Variants in ZBTB32 observed in about 807,000 individuals in gnomAD.
ZBTB32 encodes the protein zinc finger and BTB domain containing 32.
A neutral mutation model predicts 45.3 loss-of-function variants in ZBTB32; 28 were observed. The observed-to-expected ratio is 0.62, with a 90% CI of 0.46 to 0.85. ZBTB32 has a LOEUF of 0.85. Among genes scored for constraint, ZBTB32 ranks in the 40% least tolerant of loss-of-function variants. The pLI, the probability that ZBTB32 is intolerant of heterozygous loss-of-function variation, is 0.00. For synonymous variants in ZBTB32, 283 were observed against 255.7 expected (o/e 1.11, Z -1.02); for missense variants, 587 against 624.4 (o/e 0.94, Z 0.64).
rs767493820 is a variant in ZBTB32 at position 35,715,752 on chromosome 19, C to G, written c.882-5C>G. 1 of 1,606,102 alleles carries G rather than the reference C, an allele frequency of 6.2e-7. No individual in the cohort carries two copies. Among genetic ancestry groups the G allele is most frequent in the East Asian group, 2.2e-5 (1 of 44,732 alleles). ...AGGCTGTAACTCTTCCCCACCCCATCCCAGGATCCCACTGTCCCTAAATGC... is the reference window on the plus strand; with the variant it reads ...AGGCTGTAACTCTTCCCCACCCCATGCCAGGATCCCACTGTCCCTAAATGC... On this transcript the variant is annotated splice_region_variant and splice_polypyrimidine_tract_variant and intron_variant, in intron 3 of 6. Transcript: ENST00000392197.
At chr19:35,716,450 C>T (rs1207511805) in intron 6 of ZBTB32, 28 bp from the exon 7 acceptor site, 4 of 1,591,388 alleles carry the variant, frequency 2.5e-6, no homozygotes, top group Non-Finnish European at 3.4e-6. Context: ...TTCCTTCCTT[C>T]ACCGGCCTCC....
chr19:35,707,514 C>A (rs1345637360), intron 1 of ZBTB32, among the ~76,000 whole-genome samples: 1 of 151,852 alleles, frequency 6.6e-6, no homozygotes, highest in Non-Finnish European at 1.5e-5. Context: ...GGATTACAGG[C>A]ACGTGCCACC....
chr19:35,708,784 A>G (rs1256061874), intron 1 of ZBTB32, among the ~76,000 whole-genome samples: 1 of 151,914 alleles, frequency 6.6e-6, no homozygotes, highest in Admixed American at 6.6e-5. Flanking sequence ...GTACTTAACC[A>G]GAAAGACGGA....
rs568984754 is a variant in ZBTB32, at chr19:35,705,131, C to A, written c.-222+508C>A. Among the ~76,000 whole-genome samples, 5 of 152,102 alleles carry A rather than the reference C, an allele frequency of 3.3e-5. No homozygotes were observed. In the South Asian group the frequency reaches 1.0e-3, roughly 32 times the overall value. ...GACCAGCCTGGCCAACATGGAGAAA[C>A]CCTGTCTCTACGGGGTTTCTAAAAA... On this transcript the variant is annotated intron_variant, in intron 1 of 6. Coordinates refer to ENST00000392197, the MANE Select transcript of ZBTB32 (RefSeq NM_014383.3).
In ZBTB32 at chr19:35,715,945, T is replaced by C; in HGVS notation, c.962T>C (p.Leu321Pro). The C allele has an allele frequency of 6.2e-7, 1 of 1,612,772 alleles. No individual in the cohort carries two copies. Among genetic ancestry groups the C allele is most frequent in the South Asian group, 1.1e-5 (1 of 91,028 alleles). The change falls in exon 5 of 7, where the codon CTC becomes CCC. Residue 321 changes from leucine to proline, a missense_variant. By Grantham distance (98) the Leu-to-Pro change is moderately conservative (BLOSUM62 -3). Transcript: ENST00000392197. ...LASSSPTPGS[L>P]PQGPAQLSPG... ...CTCCCACTGTTCCTTCCAGGTTCCC[T>C]CCCCCAGGGCCCCGCACAGCTCAGC...
At position 35,712,992 on chromosome 19, in the gene ZBTB32, A is replaced by G. The variant is rs1968742452; in HGVS notation, c.-146A>G. On this transcript the variant is annotated 5_prime_UTR_variant, in exon 2 of 7. It adds an upstream start codon to the 5' untranslated region. Coordinates refer to ENST00000392197, the MANE Select transcript of ZBTB32 (RefSeq NM_014383.3). ...CTGTGTACTTACAAACCACACTCAT[A>G]TTCGTCACGTCATTTCATCTTCACC... 1 of 152,192 alleles carries G rather than the reference A, an allele frequency of 6.6e-6. No individual in the cohort carries two copies. Among genetic ancestry groups the G allele is most frequent in the Admixed American group, 6.5e-5 (1 of 15,270 alleles). 9.4% of individuals were successfully genotyped at this position (152,192 alleles called of 1,614,324 possible). A position where few individuals can be genotyped will look rare whatever the true frequency, so the allele number is the denominator to read the frequency against.
At position 35,716,780 on chromosome 19, in the gene ZBTB32, A is replaced by G. The variant is rs1968926655; in HGVS notation, c.*28A>G. ...GGGTGTCGGTAGCGTCTTAGCCAAG[A>G]GTCCAATTAAAGAACGAAAAGCGGG... On this transcript the variant is annotated 3_prime_UTR_variant, in exon 7 of 7. Transcript: ENST00000392197. 6.3e-7 allele frequency: 1 copy of G among 1,581,488 alleles called. No homozygotes were observed. The highest frequency in any genetic ancestry group is 8.6e-7 in the Non-Finnish European group (1 of 1,157,256).
rs950077510 is a variant in ZBTB32, at chr19:35,715,524, A to G, written c.881+17A>G. On this transcript the variant is annotated intron_variant, in intron 3 of 6. Transcript: ENST00000392197. Reference sequence around the variant, plus strand: ...GGAACAGAGGTGAGTGGCGGGGTCTAGTGCTCTGCCTCCAGGCTGGGAGGG... The same window carrying G: ...GGAACAGAGGTGAGTGGCGGGGTCTGGTGCTCTGCCTCCAGGCTGGGAGGG... 6.6e-7 allele frequency: 1 copy of G among 1,520,870 alleles called. No homozygotes were observed. Among genetic ancestry groups the G allele is most frequent in the South Asian group, 1.3e-5 (1 of 76,794 alleles). The allele number at this position is 1,520,870 out of a possible 1,614,324, so 94.2% of individuals were successfully genotyped here.
At chr19:35,705,253 C>T (rs1485236594) in intron 1 of ZBTB32, among the ~76,000 whole-genome samples, 2 of 151,780 alleles carry the variant, frequency 1.3e-5, no homozygotes, top group South Asian at 2.1e-4. Flanking sequence ...AGGAGATGAA[C>T]GTTGCAGTGA....
rs1968935468 is a variant in ZBTB32 at position 35,716,944 on chromosome 19, G to A, written c.*192G>A. 3.2e-6 allele frequency: 2 copies of A among 629,542 alleles called. No individual in the cohort carries two copies. The highest frequency in any genetic ancestry group is 2.9e-5 in the Admixed American group (1 of 33,984). 39.0% of individuals were successfully genotyped at this position (629,542 alleles called of 1,614,324 possible). A position where few individuals can be genotyped will look rare whatever the true frequency, so the allele number is the denominator to read the frequency against. On this transcript the variant is annotated 3_prime_UTR_variant, in exon 7 of 7. Coordinates refer to ENST00000392197, the MANE Select transcript of ZBTB32 (RefSeq NM_014383.3). ...AGCCCAGGCCAGCGAGCCCTACAGAGTGAGGACACTGAAGTGTGCAGGAGC... is the reference window on the plus strand; with the variant it reads ...AGCCCAGGCCAGCGAGCCCTACAGAATGAGGACACTGAAGTGTGCAGGAGC...
chr19:35,706,715 T>C (rs1252129460), intron 1 of ZBTB32, among the ~76,000 whole-genome samples: 2 of 151,912 alleles, frequency 1.3e-5, no homozygotes, highest in Non-Finnish European at 2.9e-5. Context: ...GGCAAAACTC[T>C]GTCTCAAAAA....
chr19:35,705,437 GT>G (rs1263531626), intron 1 of ZBTB32, among the ~76,000 whole-genome samples: 2 of 152,198 alleles, frequency 1.3e-5, no homozygotes, highest in African/African-American at 4.8e-5. Flanking sequence ...GGGAGTGAAT[GT>G]TCTGGACTCC....
chr19:35,705,033 C>T (rs1268013885), intron 1 of ZBTB32, among the ~76,000 whole-genome samples: 1 of 152,130 alleles, frequency 6.6e-6, no homozygotes, highest in East Asian at 1.9e-4. Flanking sequence ...GGGCTGGGCG[C>T]GGTGGCTCAC....
chr19:35,715,628 C>A, intron 3 of ZBTB32, 121 bp downstream of exon 3: 2 of 1,475,458 alleles, frequency 1.4e-6, no homozygotes, highest in Non-Finnish European at 1.8e-6. Context: ...GGGGAAGAGA[C>A]AAGAAGCTGC....
intron 1 of ZBTB32, among the ~76,000 whole-genome samples, chr19:35,710,615 G>A (rs1483062029): frequency 1.3e-5 from 2 of 152,092 alleles, no homozygotes; most frequent in Non-Finnish European, 2.9e-5. Flanking sequence ...TTAGCCGGGT[G>A]TGATGGTGCA....
intron 1 of ZBTB32, among the ~76,000 whole-genome samples, chr19:35,708,232 ATCAG>A (rs1454295623): frequency 4.6e-5 from 7 of 152,290 alleles, no homozygotes; most frequent in African/African-American, 1.7e-4. Context: ...GTGTGTGTAC[ATCAG>A]TCAGAGTCCA....
chr19:35,716,114 G>C lies in ZBTB32; in HGVS notation c.1025-19G>C. ...GGGATTCCTGGCCCTGCCCTCCTTT[G>C]CCTTCTCTGTCCCCACAGGCGCACT... On this transcript the variant is annotated intron_variant, in intron 5 of 6. Coordinates refer to ENST00000392197, the MANE Select transcript of ZBTB32 (RefSeq NM_014383.3). 6.2e-7 allele frequency: 1 copy of C among 1,612,826 alleles called. No homozygotes were observed. The highest frequency in any genetic ancestry group is 8.5e-7 in the Non-Finnish European group (1 of 1,179,606).
rs1328394850 is a variant in ZBTB32 at position 35,716,896 on chromosome 19, C to T, written c.*144C>T. On this transcript the variant is annotated 3_prime_UTR_variant, in exon 7 of 7. Transcript: ENST00000392197. ...CCAGGAAGGGCGCCGAGTGCCCTCT[C>T]CTGGACGATCGCGGGTCGCAGAAGC... 1 of 940,714 alleles carries T rather than the reference C, an allele frequency of 1.1e-6. No homozygotes were observed. Among genetic ancestry groups the T allele is most frequent in the African/African-American group, 1.7e-5 (1 of 60,012 alleles). The allele number at this position is 940,714 out of a possible 1,614,324, so 58.3% of individuals were successfully genotyped here. A position where few individuals can be genotyped will look rare whatever the true frequency, so the allele number is the denominator to read the frequency against.
chr19:35,716,061 T>C (rs943600262), intron 5 of ZBTB32, 54 bp downstream of exon 5: 379 of 1,611,494 alleles, frequency 2.4e-4, no homozygotes, highest in Admixed American at 6.8e-4. Context: ...CTTGATTTCC[T>C]GCCTGAATGG....
Sources: gnomAD v4.1 joint callset for allele counts (sites outside exome capture counted in the v4.1 genomes callset) on GRCh38, gnomAD v4.1.1 for gene constraint, MANE v1.5 for transcripts, NCBI Gene and HGNC (gene_info 2026-07-23, HGNC 2026-07-21) for gene names.